MLLT10: variants seen among roughly 807,000 people sequenced by gnomAD.
MLLT10 encodes the protein protein AF-10.
A neutral mutation model predicts 129.1 loss-of-function variants in MLLT10; 30 were observed. The observed-to-expected ratio is 0.23, with a 90% CI of 0.17 to 0.32. The LOEUF (loss-of-function observed/expected upper bound fraction) is 0.32, where lower values mean the gene tolerates loss of function less well. Among genes scored for constraint, MLLT10 ranks in the 10% least tolerant of loss-of-function variants. MLLT10 has a pLI of 1.00. For missense variants in MLLT10, 1,119 were observed against 1,268.3 expected, an observed-to-expected ratio of 0.88 and a Z score of 1.79; for synonymous variants, 490 against 446.4, an observed-to-expected ratio of 1.10 and a Z score of -1.23.
chr10:21,727,643 C>T (rs2057621014), intron 15 of MLLT10, among the ~76,000 whole-genome samples: 2 of 152,178 alleles, frequency 1.3e-5, no homozygotes, highest in African/African-American at 4.8e-5. Context: ...AATCCATGGC[C>T]TTCTACACCC....
chr10:21,598,752 C>T (rs1240458448), intron 5 of MLLT10, among the ~76,000 whole-genome samples: 1 of 151,948 alleles, frequency 6.6e-6, no homozygotes, highest in East Asian at 1.9e-4. Context: ...TGGTGGTGCA[C>T]GCCTGTAATC....
At chr10:21,673,257 A>C in intron 10 of MLLT10, 93 bp from the exon 11 acceptor site, 1 of 748,356 alleles carries the variant, frequency 1.3e-6, no homozygotes, top group Non-Finnish European at 2.1e-6. Flanking sequence ...TAATGATTAT[A>C]TCATGTCTGC....
chr10:21,578,070 A>G (rs2040983431), intron 3 of MLLT10, among the ~76,000 whole-genome samples: 1 of 151,404 alleles, frequency 6.6e-6, no homozygotes, highest in Non-Finnish European at 1.5e-5. Context: ...TAATTTTGTA[A>G]TTTTAGAAGA....
At chr10:21,651,212 C>T (rs530353048) in intron 8 of MLLT10, among the ~76,000 whole-genome samples, 2 of 152,098 alleles carry the variant, frequency 1.3e-5, no homozygotes, top group Non-Finnish European at 2.9e-5. Flanking sequence ...GCTGGGATTA[C>T]AGGTGCACAC....
intron 10 of MLLT10, among the ~76,000 whole-genome samples, chr10:21,671,974 C>A (rs1300189988): frequency 6.6e-6 from 1 of 151,964 alleles, no homozygotes. Context: ...AAACAAAAAA[C>A]CAAAAACAAA....
Position 21,536,041 on chromosome 10 carries a change from C to G in MLLT10, c.160+1237C>G, listed in dbSNP as rs942902550. On this transcript the variant is annotated intron_variant, in intron 2 of 22. Coordinates refer to ENST00000307729, the MANE Select transcript of MLLT10 (RefSeq NM_001195626.3). ...GCAACCTCTGCCTCCTGGGTTCAAGCGATTGATTCTCCTGCCTCAGCTTCT... is the reference window on the plus strand; with the variant it reads ...GCAACCTCTGCCTCCTGGGTTCAAGGGATTGATTCTCCTGCCTCAGCTTCT... 1.4e-4 allele frequency among the ~76,000 whole-genome samples: 22 copies of G among 152,124 alleles called. 1 individual carries two copies. The highest frequency in any genetic ancestry group is 1.5e-5 in the Non-Finnish European group (1 of 68,008).
At chr10:21,603,277 G>A (rs1013024247) in intron 5 of MLLT10, among the ~76,000 whole-genome samples, 1 of 148,298 alleles carries the variant, frequency 6.7e-6, no homozygotes, top group African/African-American at 2.5e-5. Flanking sequence ...ATGTTGGCCA[G>A]GCTGGTCTCA....
At chr10:21,707,288 G>T (rs2055616229) in intron 13 of MLLT10, among the ~76,000 whole-genome samples, 1 of 151,056 alleles carries the variant, frequency 6.6e-6, no homozygotes, top group South Asian at 2.1e-4. Flanking sequence ...CGCCTCCCGG[G>T]TTCACGCCAT....
rs1471291093 is a variant in MLLT10 at position 21,704,353 on chromosome 10, CTCTCTATA to C, written c.1700-9417_1700-9410del. On this transcript the variant is annotated intron_variant, in intron 13 of 22. Transcript: ENST00000307729. ...ATTCTCTCTCTCTCTCTCTCTCTCT[CTCTCTATA>C]TATATATATATATATATATATAATT... Among the ~76,000 whole-genome samples the C allele has an allele frequency of 8.4e-3, 544 of 64,476 alleles. 3 individuals are homozygous for C. Among genetic ancestry groups the C allele is most frequent in the African/African-American group, 0.016 (323 of 19,590 alleles). The allele number at this position is 64,476 out of a possible 152,430, so 42.3% of individuals were successfully genotyped here.
intron 22 of MLLT10, 137 bp from the exon 23 acceptor site, chr10:21,741,802 C>A: frequency 1.3e-6 from 1 of 766,966 alleles, no homozygotes; most frequent in Non-Finnish European, 2.1e-6. Flanking sequence ...TATTACGTTG[C>A]AAGTAGCCTT....
intron 5 of MLLT10, among the ~76,000 whole-genome samples, chr10:21,599,040 G>A (rs1300769265): frequency 6.6e-6 from 1 of 152,000 alleles, no homozygotes; most frequent in Non-Finnish European, 1.5e-5. Context: ...TTAGCCGGGT[G>A]TAGTAGCAGG....
intron 3 of MLLT10, chr10:21,557,208 T>TC: frequency 8.1e-7 from 1 of 1,231,058 alleles, no homozygotes; most frequent in South Asian, 2.3e-5. Context: ...TTGTTATTTT[T>TC]CCCCTTGTGC....
intron 5 of MLLT10, among the ~76,000 whole-genome samples, chr10:21,608,006 TG>T (rs750643036): frequency 1.1e-4 from 17 of 150,634 alleles, no homozygotes; most frequent in Admixed American, 6.6e-4. Flanking sequence ...GATTTACAGG[TG>T]TTTTTTTTTT....
intron 9 of MLLT10, among the ~76,000 whole-genome samples, chr10:21,667,451 C>T (rs2050936093): frequency 6.9e-6 from 1 of 144,522 alleles, no homozygotes; most frequent in Admixed American, 7.0e-5. Context: ...TTGTTTTGAT[C>T]CTCCCATTCT....
rs765748967 is a variant in MLLT10 at position 21,726,272 on chromosome 10, G to A, written c.1907G>A (p.Ser636Asn). ...AATACTCTATCTGGATCTTCTCTCA[G>A]TCAGGCACCATCTCATATGTATGGC... ...QANTLSGSSL[S>N]QAPSHMYGNR... The change falls in exon 15 of 23, where the codon AGT becomes AAT. Residue 636 changes from serine to asparagine, a missense_variant. Transcript: ENST00000307729. The A allele has an allele frequency of 1.2e-6, 2 of 1,612,218 alleles. No individual in the cohort carries two copies. Among genetic ancestry groups the A allele is most frequent in the Non-Finnish European group, 1.7e-6 (2 of 1,178,796 alleles).
At chr10:21,709,820 C>T (rs1348651020) in intron 13 of MLLT10, among the ~76,000 whole-genome samples, 1 of 152,018 alleles carries the variant, frequency 6.6e-6, no homozygotes, top group Non-Finnish European at 1.5e-5. Flanking sequence ...TCGGCTCAAT[C>T]TCAACCTCCC....
intron 9 of MLLT10, among the ~76,000 whole-genome samples, chr10:21,657,629 T>G (rs1227889346): frequency 1.3e-5 from 2 of 152,114 alleles, no homozygotes; most frequent in Non-Finnish European, 2.9e-5. Context: ...TAGCTCACAA[T>G]TTTTAGTTGT....
At chr10:21,659,489 A>G (rs1268969125) in intron 9 of MLLT10, among the ~76,000 whole-genome samples, 1 of 151,806 alleles carries the variant, frequency 6.6e-6, no homozygotes, top group Non-Finnish European at 1.5e-5. Context: ...TCACTGGGCT[A>G]CTTTGCTCTT....
Position 21,638,507 on chromosome 10 carries a change from G to T in MLLT10, c.700-13166G>T, listed in dbSNP as rs554099520. Among the ~76,000 whole-genome samples, 208 of 152,126 alleles carry T rather than the reference G, an allele frequency of 1.4e-3. 1 individual carries two copies. Among genetic ancestry groups the T allele is most frequent in the Admixed American group, 2.2e-3 (34 of 15,278 alleles). On this transcript the variant is annotated intron_variant, in intron 8 of 22. Transcript: ENST00000307729. ...CTTTTCCTTTCATGGGTCCAGGTGG[G>T]ATAGTGATCTGGGTGCCTGTATCCA... is the stretch of plus-strand genomic sequence containing the variant.
Sources: allele counts gnomAD v4.1 joint callset (sites outside exome capture counted in the v4.1 genomes callset), GRCh38; gene constraint gnomAD v4.1.1; transcripts MANE v1.5; gene names NCBI Gene and HGNC (gene_info 2026-07-23, HGNC 2026-07-21).